KCNMB3: variants seen among roughly 807,000 people sequenced by gnomAD.
KCNMB3 encodes calcium-activated potassium channel subunit beta-3.
In KCNMB3, 18 loss-of-function variants were observed where a neutral mutation model predicts 11.9. The ratio of observed to expected loss-of-function variants is 1.51; its 90% CI spans 1.04 to 2.23. The LOEUF is 2.23. Ranked by LOEUF, KCNMB3 falls within the 30% of genes most tolerant of loss-of-function variation. The pLI is 0.00. For missense variants in KCNMB3, 247 were observed against 329.4 expected (o/e 0.75, Z 1.94); for synonymous variants, 78 against 119.2 (o/e 0.65, Z 2.25).
intron 1 of KCNMB3, among the ~76,000 whole-genome samples, chr3:179,263,475 C>T (rs913344454): frequency 6.6e-6 from 1 of 152,238 alleles, no homozygotes; most frequent in African/African-American, 2.4e-5. Context: ...CCAGAGTGGG[C>T]GCCAAGGCCG....
intron 1 of KCNMB3, chr3:179,261,417 G>A: frequency 9.5e-7 from 1 of 1,054,930 alleles, no homozygotes; most frequent in Non-Finnish European, 1.1e-6. Flanking sequence ...GCGCTTCCGG[G>A]GCCAAGAGCC....
chr3:179,244,637 C>T lies in KCNMB3; in HGVS notation c.305G>A (p.Trp102Ter), dbSNP rs145138176. Residue 102 changes from tryptophan (W) to a stop codon, truncating the protein, a stop_gained, in exon 2 of 3, where the codon TGG (tryptophan) becomes TAG (stop). Coordinates refer to ENST00000392685, the MANE Select transcript of KCNMB3 (RefSeq NM_171830.2). LOFTEE classifies it high-confidence loss of function. ...ACCACAGGTGAAGGCACAGTCCAGC[C>T]AGTCGTCCATGATATCTGTGTGGAT... ...TAIHTDIMDDWLDCAFTCGVH... is the reference protein window; with the variant it reads ...TAIHTDIMDD 2.3e-4 allele frequency: 370 copies of T among 1,614,030 alleles called. 1 individual carries two copies. In the African/African-American group the frequency reaches 4.5e-3, roughly 20 times the overall value.
chr3:179,261,224 G>A (rs1726197086), intron 1 of KCNMB3: 4 of 1,358,248 alleles, frequency 2.9e-6, no homozygotes, highest in South Asian at 3.0e-5. Context: ...CTGCGCTTCC[G>A]CGCTCAAACA....
intron 1 of KCNMB3, among the ~76,000 whole-genome samples, chr3:179,244,896 A>T (rs1184098481): frequency 6.6e-6 from 1 of 152,166 alleles, no homozygotes; most frequent in Non-Finnish European, 1.5e-5. Flanking sequence ...AAAGAGCCAC[A>T]AAGTGCCAAG....
upstream of KCNMB3, among the ~76,000 whole-genome samples, chr3:179,252,817 C>T (rs530393531): frequency 2.0e-5 from 3 of 151,406 alleles, no homozygotes; most frequent in East Asian, 1.9e-4. Context: ...CTGCAACCTC[C>T]GTCTCCCGGG....
intron 1 of KCNMB3, 74 bp from the exon 2 acceptor site, chr3:179,244,767 CT>C: frequency 1.5e-6 from 2 of 1,311,912 alleles, no homozygotes; most frequent in Non-Finnish European, 2.2e-6. Flanking sequence ...TGGTTATGAG[CT>C]TATGTACACA....
chr3:179,267,037 C>A (rs549943350), upstream of KCNMB3: 5 of 668,306 alleles, frequency 7.5e-6, no homozygotes, highest in Non-Finnish European at 7.8e-6. Flanking sequence ...GTTTCCGCCT[C>A]GGCAGCCGGG....
intron 1 of KCNMB3, among the ~76,000 whole-genome samples, chr3:179,249,637 C>A (rs1356369837): frequency 3.3e-5 from 5 of 152,142 alleles, no homozygotes; most frequent in Non-Finnish European, 5.9e-5. Flanking sequence ...CGTGCCACTG[C>A]ACTCCAGCCT....
chr3:179,261,092 G>C (rs1183996372), intron 1 of KCNMB3: 1 of 1,167,652 alleles, frequency 8.6e-7, no homozygotes, highest in Non-Finnish European at 1.3e-6. Context: ...CCCCTTCTCA[G>C]TAAAATATTT....
chr3:179,258,419 A>C (rs7645810), intron 1 of KCNMB3, among the ~76,000 whole-genome samples: 28 of 152,224 alleles, frequency 1.8e-4, no homozygotes, highest in African/African-American at 6.7e-4. Context: ...AAAGCCCCTC[A>C]TGCTTTCAGA....
exon 1 of KCNMB3, chr3:179,266,680 T>C (rs779630712): frequency 6.2e-7 from 1 of 1,614,190 alleles, no homozygotes; most frequent in Non-Finnish European, 8.5e-7. Context: ...CCCTGAAGTG[T>C]GATTTGCACG....
At chr3:179,251,277 C>T (rs1725835239), upstream of KCNMB3, 1 of 1,450,364 alleles carries the variant, frequency 6.9e-7, no homozygotes, top group Middle Eastern at 2.5e-4. Flanking sequence ...ATTGCACGTC[C>T]CTCCTGAAAA....
intron 1 of KCNMB3, among the ~76,000 whole-genome samples, chr3:179,247,244 C>T (rs1027153734): frequency 2.0e-5 from 3 of 152,144 alleles, no homozygotes; most frequent in Admixed American, 1.3e-4. Context: ...AAATATGTCA[C>T]ATTTTTAAAA....
At position 179,250,771 on chromosome 3, in the gene KCNMB3, T is replaced by C; in HGVS notation, c.220A>G (p.Thr74Ala). 6.2e-7 allele frequency: 1 copy of C among 1,614,194 alleles called. No homozygotes were observed. Among genetic ancestry groups the C allele is most frequent in the Non-Finnish European group, 8.5e-7 (1 of 1,180,046 alleles). ...AGCATAAAAGGCTTTAGAATGGTTG[T>C]TCCGAGCAAGAAGAACATTAGGACT... ...FSVLMFFLLG[T>A]TILKPFMLSI... Residue 74 changes from threonine (T) to alanine (A), a missense_variant, in exon 1 of 3, where the codon ACA (threonine) becomes GCA (alanine). Physicochemically the swap from Thr to Ala is moderately conservative, Grantham distance 58 (BLOSUM62 0). This residue lies in a region of KCNMB3 where 160 missense variants were observed against 157.5 expected (regional missense o/e 1.02). Coordinates refer to ENST00000392685, the MANE Select transcript of KCNMB3 (RefSeq NM_171830.2).
intron 1 of KCNMB3, among the ~76,000 whole-genome samples, chr3:179,256,950 C>T (rs79731024): frequency 0.14 from 21,221 of 152,076 alleles, 1,588 homozygotes; most frequent in Non-Finnish European, 0.18. Flanking sequence ...TCACTTGAAC[C>T]CAGGAGTTCG....
chr3:179,251,741 T>C, upstream of KCNMB3: 1 of 888,576 alleles, frequency 1.1e-6, no homozygotes. Context: ...TTTTTGGTTT[T>C]TTTTGAGACG....
intron 1 of KCNMB3, among the ~76,000 whole-genome samples, chr3:179,258,118 T>G (rs1175637217): frequency 6.6e-6 from 1 of 152,166 alleles, no homozygotes; most frequent in Non-Finnish European, 1.5e-5. Context: ...ACTTCTGACC[T>G]CAGGTGATCC....
intron 1 of KCNMB3, among the ~76,000 whole-genome samples, chr3:179,265,262 G>A (rs1726341108): frequency 6.6e-6 from 1 of 152,136 alleles, no homozygotes; most frequent in Admixed American, 6.5e-5. Flanking sequence ...CCAAACTCCT[G>A]TATCTCACTC....
At chr3:179,256,222 C>T (rs897738209), upstream of KCNMB3, among the ~76,000 whole-genome samples, 12 of 152,106 alleles carry the variant, frequency 7.9e-5, no homozygotes, top group East Asian at 3.9e-4. Flanking sequence ...GATCACCTGA[C>T]GTCAGGAGTT....
Sources: allele counts gnomAD v4.1 joint callset (sites outside exome capture counted in the v4.1 genomes callset), GRCh38; gene constraint gnomAD v4.1.1; regional missense constraint gnomAD v4.1.1; transcripts MANE v1.5; gene names NCBI Gene and HGNC (gene_info 2026-07-23, HGNC 2026-07-21).